Variants in GABBR1 observed in about 807,000 individuals in gnomAD.
The protein encoded by GABBR1 is GABA-B receptor, R1 subunit.
In GABBR1, 35 loss-of-function variants were observed where a neutral mutation model predicts 117.7. The ratio of observed to expected loss-of-function variants is 0.30; its 90% CI spans 0.23 to 0.39. The LOEUF (loss-of-function observed/expected upper bound fraction) is 0.39, where lower values mean the gene tolerates loss of function less well. Ranked by LOEUF, GABBR1 falls within the 10% of genes least tolerant of loss-of-function variation. The pLI is 1.00. For synonymous variants in GABBR1, 442 were observed against 486.6 expected (o/e 0.91, Z 1.21); for missense variants, 709 against 1,241.8 (o/e 0.57, Z 6.45).
intron 11 of GABBR1, among the ~76,000 whole-genome samples, chr6:29,617,802 C>T (rs926262472): frequency 6.6e-6 from 1 of 152,144 alleles, no homozygotes; most frequent in South Asian, 2.1e-4. Flanking sequence ...TCATTGATAT[C>T]GATCCCTCCT....
Position 29,622,298 on chromosome 6 carries a change from CAGAT to C in GABBR1, c.964-97_964-94del, listed in dbSNP as rs1763836521. On this transcript the variant is annotated intron_variant, in intron 8 of 22. Coordinates refer to ENST00000377034, the MANE Select transcript of GABBR1 (RefSeq NM_001470.4). This position sits in a 1 kb window ranked among gnomAD's most constrained non-coding sequence, Gnocchi z 4.6. ...TAACTGGGGATTTCAGAGCAATACT[CAGAT>C]AGAGCAAAGAAGCAGCCATTCTGAA... 2 of 813,676 alleles carry C rather than the reference CAGAT, an allele frequency of 2.5e-6. No individual in the cohort carries two copies. The highest frequency in any genetic ancestry group is 4.2e-6 in the Non-Finnish European group (2 of 479,628). 50.4% of individuals were successfully genotyped at this position (813,676 alleles called of 1,614,324 possible). A position where few individuals can be genotyped will look rare whatever the true frequency, so the allele number is the denominator to read the frequency against.
chr6:29,609,010 T>G lies in GABBR1; in HGVS notation c.1859+219A>C, dbSNP rs1582959487. 6.6e-6 allele frequency among the ~76,000 whole-genome samples: 1 copy of G among 152,186 alleles called. No individual in the cohort carries two copies. Among genetic ancestry groups the G allele is most frequent in the East Asian group, 1.9e-4 (1 of 5,198 alleles). On this transcript the variant is annotated intron_variant, in intron 15 of 22. Coordinates refer to ENST00000377034, the MANE Select transcript of GABBR1 (RefSeq NM_001470.4). The surrounding 1 kb of genome is among the most constrained non-coding windows in gnomAD (Gnocchi z 4.3). ...GACTGTGAGACCTGGCCCCAAAGGTTGTTTTTTTCTCTTCTTTTCTTTTTT... is the reference window on the plus strand; with the variant it reads ...GACTGTGAGACCTGGCCCCAAAGGTGGTTTTTTTCTCTTCTTTTCTTTTTT...
rs749188708 is a variant in GABBR1, at chr6:29,620,294, A to G, written c.1323+807T>C. Among the ~76,000 whole-genome samples, 2 of 152,204 alleles carry G rather than the reference A, an allele frequency of 1.3e-5. No homozygotes were observed. Among genetic ancestry groups the G allele is most frequent in the Non-Finnish European group, 2.9e-5 (2 of 68,016 alleles). On this transcript the variant is annotated intron_variant, in intron 11 of 22. Transcript: ENST00000377034. This position sits in a 1 kb window ranked among gnomAD's most constrained non-coding sequence, Gnocchi z 4.5. ...TGCCACTGTTAGTAAAACTTTTTAA[A>G]TCAAGCTATTTTGGGGCTTTACAAC... is the stretch of plus-strand genomic sequence containing the variant.
chr6:29,603,461 G>A lies in GABBR1; in HGVS notation c.*82C>T, dbSNP rs1341698143. 4 of 1,237,584 alleles carry A rather than the reference G, an allele frequency of 3.2e-6. No homozygotes were observed. The highest frequency in any genetic ancestry group is 4.6e-6 in the Non-Finnish European group (4 of 861,516). The allele number at this position is 1,237,584 out of a possible 1,614,324, so 76.7% of individuals were successfully genotyped here. A position where few individuals can be genotyped will look rare whatever the true frequency, so the allele number is the denominator to read the frequency against. On this transcript the variant is annotated 3_prime_UTR_variant, in exon 23 of 23. Coordinates refer to ENST00000377034, the MANE Select transcript of GABBR1 (RefSeq NM_001470.4). ...AGCATGTTCTTCCCAGCTGGGGATGGGGACCCCCTGCTTCCTGAGTCCCCT... is the reference window on the plus strand; with the variant it reads ...AGCATGTTCTTCCCAGCTGGGGATGAGGACCCCCTGCTTCCTGAGTCCCCT...
At position 29,613,206 on chromosome 6, in the gene GABBR1, G is replaced by A; in HGVS notation, c.1566+37C>T. On this transcript the variant is annotated intron_variant, in intron 12 of 22. Coordinates refer to ENST00000377034, the MANE Select transcript of GABBR1 (RefSeq NM_001470.4). This position sits in a 1 kb window ranked among gnomAD's most constrained non-coding sequence, Gnocchi z 4.1. ...CCTCTTGGGAGTCTCTCTCAAGATTGGGAAGACAGGGGAGTATGAAGGAAG... is the reference window on the plus strand; with the variant it reads ...CCTCTTGGGAGTCTCTCTCAAGATTAGGAAGACAGGGGAGTATGAAGGAAG... 6.2e-7 allele frequency: 1 copy of A among 1,601,482 alleles called. No homozygotes were observed. Among genetic ancestry groups the A allele is most frequent in the Non-Finnish European group, 8.5e-7 (1 of 1,170,752 alleles).
intron 13 of GABBR1, 27 bp downstream of exon 13, chr6:29,612,524 C>T: frequency 6.2e-7 from 1 of 1,608,612 alleles, no homozygotes; most frequent in Non-Finnish European, 8.5e-7. Flanking sequence ...GCCCCCATGT[C>T]CGGTCCCCTC....
In GABBR1 at chr6:29,603,194, G is replaced by C. The variant is rs1249845546; in HGVS notation, c.*349C>G. On this transcript the variant is annotated 3_prime_UTR_variant, in exon 23 of 23. Coordinates refer to ENST00000377034, the MANE Select transcript of GABBR1 (RefSeq NM_001470.4). ...AGCACAAAGGCAGAGGAGCTGCAGG[G>C]GTTGCCGTGGTAACTAGAAGAGGGT... The C allele has an allele frequency of 5.9e-6, 3 of 505,608 alleles. No individual in the cohort carries two copies. The highest frequency in any genetic ancestry group is 1.2e-5 in the Non-Finnish European group (3 of 258,674). The allele number at this position is 505,608 out of a possible 1,614,324, so 31.3% of individuals were successfully genotyped here.
At chr6:29,614,177 G>A (rs1037597633) in intron 11 of GABBR1, among the ~76,000 whole-genome samples, 5 of 152,170 alleles carry the variant, frequency 3.3e-5, no homozygotes, top group African/African-American at 1.2e-4. Flanking sequence ...CTCATGAACT[G>A]GGTCAAGAGA....
In GABBR1 at chr6:29,630,666, GAA is replaced by G. The variant is rs1562128275; in HGVS notation, c.290-25_290-24del. On this transcript the variant is annotated intron_variant, in intron 3 of 22. Transcript: ENST00000377034. This position sits in a 1 kb window ranked among gnomAD's most constrained non-coding sequence, Gnocchi z 4.9. ...GGACTGTGGAGAGATAGGAAAATAA[GAA>G]GAGAGGCGAGTTGAAGAAGGCTCTT... is the stretch of plus-strand genomic sequence containing the variant. The G allele has an allele frequency of 6.3e-7, 1 of 1,589,318 alleles. No individual in the cohort carries two copies. Among genetic ancestry groups the G allele is most frequent in the Admixed American group, 1.7e-5 (1 of 59,320 alleles).
chr6:29,628,958 C>G, intron 5 of GABBR1, 129 bp downstream of exon 5: 1 of 1,036,518 alleles, frequency 9.6e-7, no homozygotes. Context: ...TGGCCGCAAA[C>G]TGGGGTGGGT....
chr6:29,621,983 A>G lies in GABBR1; in HGVS notation c.1065+121T>C. ...CTGGAAGATGGAGCTAAACTTCCCC[A>G]GGAGATGCTATTGCCTCAGAGAATC... On this transcript the variant is annotated intron_variant, in intron 9 of 22. Transcript: ENST00000377034. The surrounding 1 kb of genome is among the most constrained non-coding windows in gnomAD (Gnocchi z 5.0). 2 of 1,045,670 alleles carry G rather than the reference A, an allele frequency of 1.9e-6. No individual in the cohort carries two copies. The highest frequency in any genetic ancestry group is 2.9e-6 in the Non-Finnish European group (2 of 687,584). 64.8% of individuals were successfully genotyped at this position (1,045,670 alleles called of 1,614,324 possible).
chr6:29,631,343 CG>C lies in GABBR1; in HGVS notation c.289+52del. On this transcript the variant is annotated intron_variant, in intron 3 of 22. Coordinates refer to ENST00000377034, the MANE Select transcript of GABBR1 (RefSeq NM_001470.4). The surrounding 1 kb of genome is among the most constrained non-coding windows in gnomAD (Gnocchi z 5.9). The stretch of plus-strand genomic sequence containing the variant: ...CTTGCAAGCAGTAATGCTAAGTTTG[CG>C]GCAGGAAAAGGAATAGTCTTGAAGA... 1 of 1,546,328 alleles carries C rather than the reference CG, an allele frequency of 6.5e-7. No individual in the cohort carries two copies. Among genetic ancestry groups the C allele is most frequent in the Non-Finnish European group, 8.9e-7 (1 of 1,122,294 alleles).
chr6:29,613,306 G>A lies in GABBR1; in HGVS notation c.1503C>T (p.Asn501=), dbSNP rs752223907. 2.5e-6 allele frequency: 4 copies of A among 1,613,066 alleles called. No homozygotes were observed. The East Asian group carries it at 8.9e-5, about 36-fold the overall frequency. ...AGATTTGGTCGGTAATGGTCTGGTT[G>A]TTGTAGTTGAAGTCCTCCAGGCGCA... ...SGVRLEDFNY[N]NQTITDQIYR... is the part of the protein sequence containing the mutation. The change falls in exon 12 of 23, where the codon AAC becomes AAT. Residue 501 remains asparagine (N), a synonymous_variant. Transcript: ENST00000377034. The surrounding 1 kb of genome is among the most constrained non-coding windows in gnomAD (Gnocchi z 4.1).
Position 29,623,080 on chromosome 6 carries a change from C to G in GABBR1, c.963+225G>C, listed in dbSNP as rs1011320656. Among the ~76,000 whole-genome samples, 5 of 152,090 alleles carry G rather than the reference C, an allele frequency of 3.3e-5. No homozygotes were observed. The highest frequency in any genetic ancestry group is 1.2e-4 in the African/African-American group (5 of 41,400). ...TCTATATGTCTGGGGAACAGGGCATCAAACAGGGGAAAAAAATCATAAAAT... is the reference window on the plus strand; with the variant it reads ...TCTATATGTCTGGGGAACAGGGCATGAAACAGGGGAAAAAAATCATAAAAT... On this transcript the variant is annotated intron_variant, in intron 8 of 22. Transcript: ENST00000377034. The surrounding 1 kb of genome is among the most constrained non-coding windows in gnomAD (Gnocchi z 6.2).
At chr6:29,610,831 C>T (rs774558975) in intron 14 of GABBR1, 93 bp downstream of exon 14, 2 of 1,086,808 alleles carry the variant, frequency 1.8e-6, no homozygotes, top group Non-Finnish European at 1.4e-6. Context: ...TCCAACCTAA[C>T]AGTCTCTACC....
chr6:29,623,878 A>T lies in GABBR1; in HGVS notation c.792+12T>A. The T allele has an allele frequency of 6.2e-7, 1 of 1,611,776 alleles. No homozygotes were observed. The highest frequency in any genetic ancestry group is 8.5e-7 in the Non-Finnish European group (1 of 1,179,386). On this transcript the variant is annotated intron_variant, in intron 7 of 22. Transcript: ENST00000377034. This position sits in a 1 kb window ranked among gnomAD's most constrained non-coding sequence, Gnocchi z 6.2. ...AATGACCCCATCTTCTGACCCCCAT[A>T]GCCCTGCTTACCACAATGAGGTTCC...
Position 29,621,937 on chromosome 6 carries a change from C to G in GABBR1, c.1066-120G>C. 1 of 1,095,708 alleles carries G rather than the reference C, an allele frequency of 9.1e-7. No individual in the cohort carries two copies. The highest frequency in any genetic ancestry group is 1.4e-6 in the Non-Finnish European group (1 of 729,922). 67.9% of individuals were successfully genotyped at this position (1,095,708 alleles called of 1,614,324 possible). A position where few individuals can be genotyped will look rare whatever the true frequency, so the allele number is the denominator to read the frequency against. On this transcript the variant is annotated intron_variant, in intron 9 of 22. Transcript: ENST00000377034. This position sits in a 1 kb window ranked among gnomAD's most constrained non-coding sequence, Gnocchi z 5.0. ...GTGCTTAGTGCAGGGTAACGCTCAA[C>G]GTATAGTGAATAAACGTCAACTGGA...
rs1582974526 is a variant in GABBR1, at chr6:29,613,809, G to A, written c.1324-324C>T. On this transcript the variant is annotated intron_variant, in intron 11 of 22. Coordinates refer to ENST00000377034, the MANE Select transcript of GABBR1 (RefSeq NM_001470.4). The surrounding 1 kb of genome is among the most constrained non-coding windows in gnomAD (Gnocchi z 4.1). ...TGGAAGGTAGAGCAGAGTAAAGGAGGAGACATGGATATTCCAATGAAGAGC... is the reference window on the plus strand; with the variant it reads ...TGGAAGGTAGAGCAGAGTAAAGGAGAAGACATGGATATTCCAATGAAGAGC... 6.6e-6 allele frequency among the ~76,000 whole-genome samples: 1 copy of A among 152,306 alleles called. No homozygotes were observed. The highest frequency in any genetic ancestry group is 2.1e-4 in the South Asian group (1 of 4,832).
At position 29,630,688 on chromosome 6, in the gene GABBR1, G is replaced by A. The variant is rs777156047; in HGVS notation, c.290-45C>T. ...TAAGAAGAGAGGCGAGTTGAAGAAGGCTCTTTCCCTTTAAAGAGCAGGGGA... is the reference window on the plus strand; with the variant it reads ...TAAGAAGAGAGGCGAGTTGAAGAAGACTCTTTCCCTTTAAAGAGCAGGGGA... On this transcript the variant is annotated intron_variant, in intron 3 of 22. Transcript: ENST00000377034. This position sits in a 1 kb window ranked among gnomAD's most constrained non-coding sequence, Gnocchi z 4.9. 1 of 1,543,554 alleles carries A rather than the reference G, an allele frequency of 6.5e-7. No homozygotes were observed. The highest frequency in any genetic ancestry group is 1.4e-5 in the African/African-American group (1 of 73,530).
Sources: gnomAD v4.1 joint callset for allele counts (sites outside exome capture counted in the v4.1 genomes callset) on GRCh38, gnomAD v4.1.1 for gene constraint, Gnocchi (gnomAD v3.1) non-coding constraint, MANE v1.5 for transcripts, NCBI Gene and HGNC (gene_info 2026-07-23, HGNC 2026-07-21) for gene names.